SH3TC2: variants seen among roughly 807,000 people sequenced by gnomAD.
SH3TC2 encodes the protein SH3 domain and tetratricopeptide repeats 2.
A neutral mutation model predicts 124.5 loss-of-function variants in SH3TC2; 87 were observed. The observed-to-expected ratio is 0.70, with a 90% confidence interval of 0.59 to 0.84. SH3TC2 has a LOEUF of 0.84. Ranked by LOEUF, SH3TC2 falls within the 40% of genes least tolerant of loss-of-function variation. The pLI is 0.00. For missense variants in SH3TC2, 1,536 were observed against 1,566.4 expected, an observed-to-expected ratio of 0.98 and a Z score of 0.33; for synonymous variants, 634 against 628.5, an observed-to-expected ratio of 1.01 and a Z score of -0.13.
At chr5:149,053,292 T>C (rs775102657) in intron 1 of SH3TC2, among the ~76,000 whole-genome samples, 1 of 152,242 alleles carries the variant, frequency 6.6e-6, no homozygotes, top group Non-Finnish European at 1.5e-5. Flanking sequence ...AATTCTCATA[T>C]TGCTGCTAAT....
chr5:149,025,928 T>C (rs1282244901), intron 12 of SH3TC2: 1 of 152,632 alleles, frequency 6.6e-6, no homozygotes, highest in Non-Finnish European at 1.5e-5. Flanking sequence ...TTTTATTCCA[T>C]GTTTATTCTA....
chr5:149,004,766 G>A lies in SH3TC2; in HGVS notation c.3812C>T (p.Ser1271Phe), dbSNP rs1386097025. 6.2e-7 allele frequency: 1 copy of A among 1,614,098 alleles called. No homozygotes were observed. The highest frequency in any genetic ancestry group is 1.7e-5 in the Admixed American group (1 of 60,032). Residue 1271 changes from serine to phenylalanine, a missense_variant, in exon 17 of 17, where the codon TCC becomes TTC. Physicochemically the swap from Ser to Phe is radical, Grantham distance 155. Transcript: ENST00000515425. ...CCGCGCCCTCTCTGAGGAGCACCCGGAGGGCCTGCTGTGCCACAGGGGGCT... is the reference window on the plus strand; with the variant it reads ...CCGCGCCCTCTCTGAGGAGCACCCGAAGGGCCTGCTGTGCCACAGGGGGCT... ...CQSPLWHSRP[S>F]GCSSERARWL...
intron 1 of SH3TC2, among the ~76,000 whole-genome samples, chr5:149,060,329 A>G (rs1438119858): frequency 6.6e-6 from 1 of 152,190 alleles, no homozygotes; most frequent in Admixed American, 6.5e-5. Flanking sequence ...GGGAAGTCAG[A>G]GATGATAGCA....
Position 149,042,798 on chromosome 5 carries a change from T to C in SH3TC2, c.425A>G (p.His142Arg), listed in dbSNP as rs1168407927. 6.2e-7 allele frequency: 1 copy of C among 1,614,202 alleles called. No individual in the cohort carries two copies. Among genetic ancestry groups the C allele is most frequent in the South Asian group, 1.1e-5 (1 of 91,084 alleles). The change falls in exon 5 of 17, where the codon CAC becomes CGC. Residue 142 changes from histidine (H) to arginine (R), a missense_variant. By Grantham distance (29) the His-to-Arg change is conservative. Transcript: ENST00000515425. ...SMCLEHLLFD[H>R]KYWLNCILVE... Reference sequence around the variant, plus strand: ...CAATATGCAGTTGAGCCAGTACTTGTGGTCAAAGAGGAGATGTTCTAGACA... The same window carrying C: ...CAATATGCAGTTGAGCCAGTACTTGCGGTCAAAGAGGAGATGTTCTAGACA...
chr5:149,023,233 T>G (rs2127395939), intron 12 of SH3TC2, among the ~76,000 whole-genome samples: 1 of 152,300 alleles, frequency 6.6e-6, no homozygotes, highest in Non-Finnish European at 1.5e-5. Context: ...CCCCAATAAC[T>G]ACCACAGTGC....
chr5:148,986,032 G>A lies in SH3TC2; in HGVS notation c.*18679C>T, dbSNP rs552117989. Among the ~76,000 whole-genome samples the A allele has an allele frequency of 6.6e-6, 1 of 152,114 alleles. No individual in the cohort carries two copies. Among genetic ancestry groups the A allele is most frequent in the Admixed American group, 6.5e-5 (1 of 15,268 alleles). ...GAAAAACACATAAATGCAGAATCTT[G>A]GTGTTTAAAAGGAAATTAGAACTCA... On this transcript the variant is annotated 3_prime_UTR_variant, in exon 17 of 17. Coordinates refer to ENST00000515425, the MANE Select transcript of SH3TC2 (RefSeq NM_024577.4).
intron 9 of SH3TC2, among the ~76,000 whole-genome samples, chr5:149,030,223 A>T (rs1754165163): frequency 6.6e-6 from 1 of 152,152 alleles, no homozygotes; most frequent in South Asian, 2.1e-4. Context: ...CTCTAGGAGG[A>T]AGAATTACAA....
intron 1 of SH3TC2, 117 bp downstream of exon 1, chr5:149,062,854 C>T: frequency 1.0e-6 from 1 of 998,544 alleles, no homozygotes; most frequent in Non-Finnish European, 1.6e-6. Context: ...AGCCAGAAAG[C>T]ACAATCATCT....
chr5:149,032,657 G>C (rs942824383), intron 8 of SH3TC2, among the ~76,000 whole-genome samples: 1 of 152,110 alleles, frequency 6.6e-6, no homozygotes, highest in Non-Finnish European at 1.5e-5. Flanking sequence ...TTTTACAGAC[G>C]AATAAACTGA....
chr5:148,990,790 T>C lies in SH3TC2; in HGVS notation c.*13921A>G, dbSNP rs1450772550. On this transcript the variant is annotated 3_prime_UTR_variant, in exon 17 of 17. Coordinates refer to ENST00000515425, the MANE Select transcript of SH3TC2 (RefSeq NM_024577.4). ...AGAGTATACAGGATACAAAATATAATAGCAATTATATATTAAATATTTGCA... is the reference window on the plus strand; with the variant it reads ...AGAGTATACAGGATACAAAATATAACAGCAATTATATATTAAATATTTGCA... 6.6e-6 allele frequency among the ~76,000 whole-genome samples: 1 copy of C among 152,222 alleles called. No individual in the cohort carries two copies. The highest frequency in any genetic ancestry group is 2.4e-5 in the African/African-American group (1 of 41,458).
intron 13 of SH3TC2, among the ~76,000 whole-genome samples, chr5:149,012,265 T>C (rs1376442531): frequency 1.3e-5 from 2 of 152,194 alleles, no homozygotes; most frequent in Non-Finnish European, 2.9e-5. Context: ...TCAAGGTGTA[T>C]GTTGAGCTTT....
intron 1 of SH3TC2, 151 bp downstream of exon 1, chr5:149,062,820 C>T (rs1754776835): frequency 4.0e-6 from 3 of 758,924 alleles, no homozygotes; most frequent in Middle Eastern, 2.3e-4. Context: ...ATGACAAACA[C>T]TTACCCAGGG....
At position 149,028,716 on chromosome 5, in the gene SH3TC2, C is replaced by T. The variant is rs761184149; in HGVS notation, c.1138G>A (p.Gly380Arg). The T allele has an allele frequency of 6.2e-7, 1 of 1,614,194 alleles. No homozygotes were observed. The change falls in exon 10 of 17, where the codon GGG becomes AGG. Residue 380 changes from glycine (G) to arginine (R), a missense_variant and splice_region_variant. By Grantham distance (125) the Gly-to-Arg change is moderately radical (BLOSUM62 -2). This residue lies in a region of SH3TC2 where 1,102 missense variants were observed against 1,098.6 expected (regional missense o/e 1.00). Transcript: ENST00000515425. ...GGAGGATTCTGGATGGATTCAAACC[C>T]ACCTAAGTAGAGATGAAGAACAGGT... Reference protein sequence around the residue: ...TDITSVYRLSGFESIQNPPND... With the variant: ...TDITSVYRLSRFESIQNPPND...
rs1265312422 is a variant in SH3TC2 at position 149,028,091 on chromosome 5, G to A, written c.1641C>T (p.Ala547=). ...LSIRKVKLSQ[A]RVYFEEAIHI... ...GGATGGCCTCCTCGAAGTACACCCTGGCCTGAGAGAGTTTGACCTTCCTGA... is the reference window on the plus strand; with the variant it reads ...GGATGGCCTCCTCGAAGTACACCCTAGCCTGAGAGAGTTTGACCTTCCTGA... The change falls in exon 11 of 17, where the codon GCC becomes GCT. Residue 547 remains alanine (A), a synonymous_variant. Coordinates refer to ENST00000515425, the MANE Select transcript of SH3TC2 (RefSeq NM_024577.4). The A allele has an allele frequency of 1.2e-6, 2 of 1,613,970 alleles. No individual in the cohort carries two copies. Among genetic ancestry groups the A allele is most frequent in the Admixed American group, 1.7e-5 (1 of 60,008 alleles).
At position 149,027,844 on chromosome 5, in the gene SH3TC2, G is replaced by A. The variant is rs1402661482; in HGVS notation, c.1888C>T (p.Pro630Ser). 2 of 1,613,894 alleles carry A rather than the reference G, an allele frequency of 1.2e-6. No homozygotes were observed. The highest frequency in any genetic ancestry group is 1.7e-6 in the Non-Finnish European group (2 of 1,180,032). ...LRQGIVVGSS[P>S]LEARACFLAI... The stretch of plus-strand genomic sequence containing the variant: ...AGAAAGCAGGCCCTGGCCTCCAGCG[G>A]GCTGCTGCCCACCACAATCCCCTGG... Residue 630 changes from proline to serine, a missense_variant, in exon 11 of 17, where the codon CCG (proline) becomes TCG (serine). Transcript: ENST00000515425.
chr5:149,027,653 G>A lies in SH3TC2; in HGVS notation c.2079C>T (p.Val693=). 4 of 1,614,248 alleles carry A rather than the reference G, an allele frequency of 2.5e-6. No individual in the cohort carries two copies. Among genetic ancestry groups the A allele is most frequent in the Non-Finnish European group, 2.5e-6 (3 of 1,180,030 alleles). The change falls in exon 11 of 17, where the codon GTC becomes GTT. Residue 693 remains valine (V), a synonymous_variant. Coordinates refer to ENST00000515425, the MANE Select transcript of SH3TC2 (RefSeq NM_024577.4). ...GGGCACTCTGGATACCATGTTGCTG[G>A]ACAGAGGCCACTGCAAGGTGTGGAA... ...KYLPHLAVAS[V]QQHGIQSAQG...
At position 149,027,178 on chromosome 5, in the gene SH3TC2, C is replaced by T. The variant is rs1754081317; in HGVS notation, c.2554G>A (p.Val852Met). ...AGATAGCTCTTGGCTGCCCTGTTCA[C>T]CCGGCCTTCACCTTGGAGTGCAAGT... ...LGLALQGEGRVNRAAKSYLRA... is the reference protein window; with the variant it reads ...LGLALQGEGRMNRAAKSYLRA... Residue 852 changes from valine (V) to methionine (M), a missense_variant, in exon 11 of 17, where the codon GTG becomes ATG. Coordinates refer to ENST00000515425, the MANE Select transcript of SH3TC2 (RefSeq NM_024577.4). 4.3e-6 allele frequency: 7 copies of T among 1,614,210 alleles called. No homozygotes were observed. The highest frequency in any genetic ancestry group is 5.9e-6 in the Non-Finnish European group (7 of 1,180,046).
chr5:149,027,676 G>A lies in SH3TC2; in HGVS notation c.2056C>T (p.Pro686Ser), dbSNP rs767415595. ...TGGACAGAGGCCACTGCAAGGTGTGGAAGATATTTCTTGTCATACAGAAAA... is the reference window on the plus strand; with the variant it reads ...TGGACAGAGGCCACTGCAAGGTGTGAAAGATATTTCTTGTCATACAGAAAA... ...LSFLYDKKYL[P>S]HLAVASVQQH... Residue 686 changes from proline (P) to serine (S), a missense_variant, in exon 11 of 17, where the codon CCA (proline) becomes TCA (serine). Pro to Ser is a moderately conservative substitution (Grantham distance 74, BLOSUM62 -1). Transcript: ENST00000515425. 8 of 1,614,080 alleles carry A rather than the reference G, an allele frequency of 5.0e-6. No homozygotes were observed. The African/African-American group carries it at 5.3e-5, about 11-fold the overall frequency.
intron 1 of SH3TC2, among the ~76,000 whole-genome samples, chr5:149,057,949 T>C (rs1754679948): frequency 1.3e-5 from 2 of 152,204 alleles, no homozygotes; most frequent in African/African-American, 4.8e-5. Flanking sequence ...AGGACCCTCA[T>C]CAGCACACTT....
Sources: gnomAD v4.1 joint callset for allele counts (sites outside exome capture counted in the v4.1 genomes callset) on GRCh38, gnomAD v4.1.1 for gene constraint, gnomAD v4.1.1 regional missense constraint, MANE v1.5 for transcripts, NCBI Gene and HGNC (gene_info 2026-07-23, HGNC 2026-07-21) for gene names.